PPP2R1B: variants seen among roughly 807,000 people sequenced by gnomAD.
PPP2R1B encodes the protein serine/threonine-protein phosphatase 2A 65 kDa regulatory subunit A beta isoform.
Under a neutral mutation model 72.7 loss-of-function variants are expected in PPP2R1B, and 58 were observed. The observed-to-expected ratio is 0.80, with a 90% CI of 0.65 to 0.99. PPP2R1B has a LOEUF of 0.99. PPP2R1B is among the 50% of genes least tolerant of loss of function. The pLI, the probability that PPP2R1B is intolerant of heterozygous loss-of-function variation, is 0.00. For synonymous variants in PPP2R1B, 256 were observed against 264.6 expected (o/e 0.97, Z 0.32); for missense variants, 695 against 733.6 (o/e 0.95, Z 0.61).
the PPP2R1B span, among the ~76,000 whole-genome samples, chr11:111,713,305 T>G: frequency 6.6e-6 from 1 of 152,372 alleles, no homozygotes; most frequent in East Asian, 1.9e-4. Context: ...GCATAAGCGA[T>G]GTATAGAAGA....
At chr11:111,709,270 G>A in the PPP2R1B span, among the ~76,000 whole-genome samples, 1 of 152,106 alleles carries the variant, frequency 6.6e-6, no homozygotes, top group African/African-American at 2.4e-5. Flanking sequence ...AAGGATACCC[G>A]CTGTGTGGGA....
chr11:111,703,319 C>T, the PPP2R1B span: 1 of 1,614,204 alleles, frequency 6.2e-7, no homozygotes, highest in Admixed American at 1.7e-5. Flanking sequence ...GAGACCTGTT[C>T]TCTATCCACA....
Position 111,739,079 on chromosome 11 carries a change from G to A in PPP2R1B, c.*2517C>T. On this transcript the variant is annotated 3_prime_UTR_variant, in exon 15 of 15. Transcript: ENST00000527614. ...GCCACATAAAGCTTGTTTCCTGAAA[G>A]CAGGAAAATCTTTCTGTCAGTGGGA... 2 of 985,378 alleles carry A rather than the reference G, an allele frequency of 2.0e-6. No homozygotes were observed. Among genetic ancestry groups the A allele is most frequent in the Non-Finnish European group, 2.4e-6 (2 of 829,914 alleles). The allele number at this position is 985,378 out of a possible 1,614,324, so 61.0% of individuals were successfully genotyped here.
intron 4 of PPP2R1B, 21 bp from the exon 5 acceptor site, chr11:111,759,972 G>A (rs376073795): frequency 1.2e-6 from 2 of 1,608,376 alleles, no homozygotes; most frequent in African/African-American, 1.3e-5. Context: ...AAACAATGAA[G>A]GTATTTCCCA....
Position 111,748,086 on chromosome 11 carries a change from A to G in PPP2R1B, c.1339-72T>C. On this transcript the variant is annotated intron_variant, in intron 10 of 14. Transcript: ENST00000527614. ...AATAAAGATGGTCTATTTACATTAC[A>G]CCAAGGTTACCTGAAGGCTAAAAAA... The G allele has an allele frequency of 1.4e-6, 2 of 1,388,822 alleles. 1 individual carries two copies. Among genetic ancestry groups the G allele is most frequent in the South Asian group, 2.5e-5 (2 of 81,418 alleles). 86.0% of individuals were successfully genotyped at this position (1,388,822 alleles called of 1,614,324 possible).
chr11:111,726,260 C>T (rs561496968), downstream of PPP2R1B: 6 of 152,168 alleles, frequency 3.9e-5, no homozygotes, highest in Non-Finnish European at 8.8e-5. Flanking sequence ...AGTTACAGAT[C>T]GACATAAACT....
At chr11:111,715,837 T>C in the PPP2R1B span, among the ~76,000 whole-genome samples, 1 of 147,672 alleles carries the variant, frequency 6.8e-6, no homozygotes, top group Non-Finnish European at 1.5e-5. Flanking sequence ...GTATCACTCT[T>C]GTCACCCAGG....
At chr11:111,751,264 C>A (rs1489163763) in intron 10 of PPP2R1B, among the ~76,000 whole-genome samples, 5 of 152,282 alleles carry the variant, frequency 3.3e-5, no homozygotes, top group Admixed American at 3.3e-4. Context: ...GAGCAAAAAT[C>A]ACAGCAGACT....
At chr11:111,761,902 G>A in intron 3 of PPP2R1B, among the ~76,000 whole-genome samples, 1 of 152,196 alleles carries the variant, frequency 6.6e-6, no homozygotes, top group Non-Finnish European at 1.5e-5. Flanking sequence ...AGAGGTTGCA[G>A]TGAGCCGAGA....
chr11:111,723,582 C>G, downstream of PPP2R1B: 1 of 1,614,244 alleles, frequency 6.2e-7, no homozygotes, highest in East Asian at 2.2e-5. Context: ...AGCTCCTACC[C>G]ACAGCCAAGT....
At chr11:111,698,966 C>T in the PPP2R1B span, among the ~76,000 whole-genome samples, 1 of 152,096 alleles carries the variant, frequency 6.6e-6, no homozygotes, top group Admixed American at 6.5e-5. Context: ...GTTTTCGACT[C>T]ATGGGAACAT....
rs535847064 is a variant in PPP2R1B, at chr11:111,753,680, G to A, written c.1030-103C>T. 7 of 1,277,908 alleles carry A rather than the reference G, an allele frequency of 5.5e-6. No homozygotes were observed. The East Asian group carries it at 1.8e-4, about 32-fold the overall frequency. 79.2% of individuals were successfully genotyped at this position (1,277,908 alleles called of 1,614,324 possible). A position where few individuals can be genotyped will look rare whatever the true frequency, so the allele number is the denominator to read the frequency against. On this transcript the variant is annotated intron_variant, in intron 8 of 14. Coordinates refer to ENST00000527614, the MANE Select transcript of PPP2R1B (RefSeq NM_002716.5). Reference sequence around the variant, plus strand: ...CTTGCTCTGTTGCCCAGGCTGGAGTGCAGTGGCATGACCTTGGCTCACTGC... The same window carrying A: ...CTTGCTCTGTTGCCCAGGCTGGAGTACAGTGGCATGACCTTGGCTCACTGC...
At chr11:111,692,084 C>G in the PPP2R1B span, among the ~76,000 whole-genome samples, 1 of 151,848 alleles carries the variant, frequency 6.6e-6, no homozygotes, top group Non-Finnish European at 1.5e-5. Context: ...GGCTCGGTGG[C>G]TTATGCCTGT....
downstream of PPP2R1B, among the ~76,000 whole-genome samples, chr11:111,733,372 T>TC (rs1297394121): frequency 6.6e-6 from 1 of 151,722 alleles, no homozygotes; most frequent in African/African-American, 2.4e-5. Flanking sequence ...GAAGCGGACT[T>TC]CCCCTGGAGC....
the PPP2R1B span, chr11:111,720,436 T>C: frequency 1.9e-6 from 3 of 1,543,110 alleles, no homozygotes; most frequent in Non-Finnish European, 2.6e-6. Flanking sequence ...TCCAAGGAGA[T>C]GCTATTGCTG....
chr11:111,720,142 A>G, the PPP2R1B span: 1 of 866,466 alleles, frequency 1.2e-6, no homozygotes, highest in Non-Finnish European at 1.8e-6. Context: ...TTCAGCAGGT[A>G]TAGCAGACAC....
At chr11:111,721,630 G>A in the PPP2R1B span, among the ~76,000 whole-genome samples, 1 of 152,202 alleles carries the variant, frequency 6.6e-6, no homozygotes, top group African/African-American at 2.4e-5. Flanking sequence ...CTAGGTAATT[G>A]TTAACTAGAG....
intron 4 of PPP2R1B, among the ~76,000 whole-genome samples, chr11:111,760,323 C>T (rs1443108155): frequency 1.3e-5 from 2 of 152,120 alleles, no homozygotes; most frequent in East Asian, 1.9e-4. Context: ...GCTAGAAATA[C>T]AGGCGGGTCC....
chr11:111,701,604 G>A, the PPP2R1B span: 1 of 1,610,350 alleles, frequency 6.2e-7, no homozygotes, highest in Non-Finnish European at 8.5e-7. The surrounding 1 kb of genome is among the most constrained non-coding windows in gnomAD (Gnocchi z 4.2). Flanking sequence ...TATTAATGGT[G>A]TTTTACAGTG....
Sources: gnomAD v4.1 joint callset for allele counts (sites outside exome capture counted in the v4.1 genomes callset) on GRCh38, gnomAD v4.1.1 for gene constraint, Gnocchi (gnomAD v3.1) non-coding constraint, MANE v1.5 for transcripts, NCBI Gene and HGNC (gene_info 2026-07-23, HGNC 2026-07-21) for gene names.